The following UBE2E2 variants were observed in gnomAD, a reference collection of about 807,000 sequenced individuals.
UBE2E2 encodes the protein ubiquitin-conjugating enzyme E2 E2.
UBE2E2 carries 6 observed loss-of-function variants against 24.7 expected under a neutral mutation model. The ratio of observed to expected loss-of-function variants is 0.24; its 90% CI spans 0.13 to 0.48. The LOEUF is 0.48. Ranked by LOEUF, UBE2E2 falls within the 20% of genes least tolerant of loss-of-function variation. The pLI is 0.99. For synonymous variants in UBE2E2, 104 were observed against 83.6 expected (o/e 1.24, Z -1.33); for missense variants, 169 against 245.0 (o/e 0.69, Z 2.07).
chr3:23,356,790 C>G (rs1559359946), intron 3 of UBE2E2, among the ~76,000 whole-genome samples: 2 of 152,180 alleles, frequency 1.3e-5, no homozygotes, highest in Non-Finnish European at 2.9e-5. Context: ...CAAACAACAT[C>G]AAAATTTCAG....
intron 3 of UBE2E2, among the ~76,000 whole-genome samples, chr3:23,445,699 C>T (rs77721546): frequency 1.3e-3 from 195 of 152,266 alleles, no homozygotes; most frequent in Non-Finnish European, 2.4e-3. Flanking sequence ...TTTTTTCATG[C>T]CTCCTGAATG....
rs562887449 is a variant in UBE2E2 at position 23,574,627 on chromosome 3, G to T, written c.509-15107G>T. ...CTACTTAGAAGCCTGAAGCAAAAAA[G>T]GATTGCTTGAGCCAAGGAGTTTGAG... On this transcript the variant is annotated intron_variant, in intron 5 of 5. Coordinates refer to ENST00000396703, the MANE Select transcript of UBE2E2 (RefSeq NM_152653.4). Among the ~76,000 whole-genome samples, 6 of 152,182 alleles carry T rather than the reference G, an allele frequency of 3.9e-5. No individual in the cohort carries two copies. In the East Asian group the frequency reaches 1.2e-3, roughly 29 times the overall value.
Position 23,291,069 on chromosome 3 carries a change from T to A in UBE2E2, c.227+73757T>A, listed in dbSNP as rs1174656502. Among the ~76,000 whole-genome samples the A allele has an allele frequency of 1.1e-4, 14 of 125,510 alleles. 1 individual carries two copies. Among genetic ancestry groups the A allele is most frequent in the East Asian group, 4.6e-4 (2 of 4,358 alleles). The allele number at this position is 125,510 out of a possible 152,430, so 82.3% of individuals were successfully genotyped here. A position where few individuals can be genotyped will look rare whatever the true frequency, so the allele number is the denominator to read the frequency against. Reference sequence around the variant, plus strand: ...GGGAGACAGAGCAAGACCCTGTCTTTAAAAAAAAAAAACAAAAAACGTGAG... The same window carrying A: ...GGGAGACAGAGCAAGACCCTGTCTTAAAAAAAAAAAAACAAAAAACGTGAG... On this transcript the variant is annotated intron_variant, in intron 3 of 5. Coordinates refer to ENST00000396703, the MANE Select transcript of UBE2E2 (RefSeq NM_152653.4).
chr3:23,259,419 T>A (rs1211553253), intron 3 of UBE2E2, among the ~76,000 whole-genome samples: 1 of 152,182 alleles, frequency 6.6e-6, no homozygotes, highest in Non-Finnish European at 1.5e-5. Context: ...ACTGAATTTT[T>A]TTCTTATTTT....
At position 23,402,773 on chromosome 3, in the gene UBE2E2, C is replaced by T. The variant is rs534546412; in HGVS notation, c.228-96835C>T. Among the ~76,000 whole-genome samples the T allele has an allele frequency of 9.2e-5, 14 of 152,272 alleles. No individual in the cohort carries two copies. The South Asian group carries it at 2.7e-3, about 29-fold the overall frequency. ...TCTCATTTTTATTTCAGTAACTTTT[C>T]AGAATGTTGCCATCTGATCTAGCTC... On this transcript the variant is annotated intron_variant, in intron 3 of 5. Coordinates refer to ENST00000396703, the MANE Select transcript of UBE2E2 (RefSeq NM_152653.4).
At chr3:23,465,862 A>G (rs528005342) in intron 3 of UBE2E2, among the ~76,000 whole-genome samples, 2 of 152,330 alleles carry the variant, frequency 1.3e-5, no homozygotes, top group South Asian at 2.1e-4. Flanking sequence ...TCAGAGTTAT[A>G]TAGTATGCCT....
chr3:23,482,858 T>C (rs1391339958), intron 3 of UBE2E2, among the ~76,000 whole-genome samples: 1 of 152,228 alleles, frequency 6.6e-6, no homozygotes, highest in African/African-American at 2.4e-5. Context: ...AAATGTTTTG[T>C]CAACTTGATA....
intron 3 of UBE2E2, among the ~76,000 whole-genome samples, chr3:23,252,401 A>T (rs1214066470): frequency 1.3e-5 from 2 of 152,188 alleles, no homozygotes. Flanking sequence ...TCAGCTTGCT[A>T]CTCTGCAGAC....
At chr3:23,436,198 C>A (rs1223608010) in intron 3 of UBE2E2, among the ~76,000 whole-genome samples, 2 of 151,790 alleles carry the variant, frequency 1.3e-5, no homozygotes, top group African/African-American at 4.8e-5. Context: ...CATTCAAGGC[C>A]TTCCCGATTT....
intron 4 of UBE2E2, among the ~76,000 whole-genome samples, chr3:23,506,513 A>C (rs1238428851): frequency 6.6e-6 from 1 of 152,096 alleles, no homozygotes; most frequent in African/African-American, 2.4e-5. Flanking sequence ...CTAGAATCCA[A>C]ACATTTCTCA....
intron 4 of UBE2E2, among the ~76,000 whole-genome samples, chr3:23,501,767 T>C (rs879705798): frequency 6.6e-6 from 1 of 152,148 alleles, no homozygotes; most frequent in African/African-American, 2.4e-5. Flanking sequence ...GACAGTCAAC[T>C]TGTGTGTAGC....
chr3:23,317,341 G>A (rs1275903232), intron 3 of UBE2E2, among the ~76,000 whole-genome samples: 2 of 152,186 alleles, frequency 1.3e-5, no homozygotes, highest in Non-Finnish European at 2.9e-5. Flanking sequence ...GTTCTGCCCA[G>A]CATTGCTTTC....
At chr3:23,282,296 A>G (rs1487906176) in intron 3 of UBE2E2, among the ~76,000 whole-genome samples, 2 of 152,224 alleles carry the variant, frequency 1.3e-5, no homozygotes, top group Admixed American at 6.5e-5. Flanking sequence ...TTGGCGCTGG[A>G]TGAATGTTTA....
intron 3 of UBE2E2, among the ~76,000 whole-genome samples, chr3:23,264,567 T>C (rs58321239): frequency 0.05 from 7,612 of 152,124 alleles, 682 homozygotes; most frequent in African/African-American, 0.17. Context: ...CACAAAGAAA[T>C]TTTAGAATAT....
At chr3:23,449,699 G>C (rs1433899231) in intron 3 of UBE2E2, among the ~76,000 whole-genome samples, 2 of 152,234 alleles carry the variant, frequency 1.3e-5, no homozygotes, top group African/African-American at 4.8e-5. Flanking sequence ...GGGGCAGACA[G>C]AATCAATCAC....
intron 3 of UBE2E2, among the ~76,000 whole-genome samples, chr3:23,384,456 G>A (rs371376318): frequency 4.0e-5 from 6 of 151,028 alleles, no homozygotes; most frequent in East Asian, 2.0e-4. Context: ...GAGCCACTGC[G>A]CCTGACCTTG....
chr3:23,586,930 G>A (rs1274130929), intron 5 of UBE2E2, among the ~76,000 whole-genome samples: 1 of 149,998 alleles, frequency 6.7e-6, no homozygotes, highest in East Asian at 2.0e-4. Flanking sequence ...TACATCATGT[G>A]ATTAGAAGTG....
At chr3:23,560,728 G>C (rs901512714) in intron 5 of UBE2E2, among the ~76,000 whole-genome samples, 2 of 152,040 alleles carry the variant, frequency 1.3e-5, no homozygotes, top group African/African-American at 4.8e-5. Context: ...TCCAGCATCT[G>C]TTGTTTCCTG....
chr3:23,304,575 T>G (rs1480481948), intron 3 of UBE2E2, among the ~76,000 whole-genome samples: 1 of 152,228 alleles, frequency 6.6e-6, no homozygotes, highest in Admixed American at 6.5e-5. Context: ...CTGGAATGTC[T>G]TGTGATACAT....
Sources: allele counts gnomAD v4.1 joint callset (sites outside exome capture counted in the v4.1 genomes callset), GRCh38; gene constraint gnomAD v4.1.1; transcripts MANE v1.5; gene names NCBI Gene and HGNC (gene_info 2026-07-23, HGNC 2026-07-21).